Variants in PNPLA7 observed in about 807,000 individuals in gnomAD.
PNPLA7 encodes patatin like domain 7, lysophospholipase.
In PNPLA7, 153 loss-of-function variants were observed where a neutral mutation model predicts 161.7. That is an observed-to-expected ratio of 0.95 (90% CI 0.83 to 1.08). The LOEUF (loss-of-function observed/expected upper bound fraction) is 1.08. Ranked by LOEUF, PNPLA7 falls within the 50% of genes least tolerant of loss-of-function variation. PNPLA7 has a pLI of 0.00. For missense variants in PNPLA7, 1,739 were observed against 1,856.6 expected (o/e 0.94, Z 1.16); for synonymous variants, 809 against 782.1 (o/e 1.03, Z -0.57).
chr9:137,461,886 G>A, intron 32 of PNPLA7, 45 bp downstream of exon 32: 1 of 1,454,150 alleles, frequency 6.9e-7, no homozygotes, highest in Non-Finnish European at 9.2e-7. Context: ...CGAAGAACTG[G>A]GCGCGGTCCG....
At chr9:137,527,066 AG>A (rs1835337028) in intron 8 of PNPLA7, among the ~76,000 whole-genome samples, 2 of 152,098 alleles carry the variant, frequency 1.3e-5, no homozygotes, top group South Asian at 4.1e-4. Flanking sequence ...CAGGAATTCA[AG>A]ACCAGCCTGG....
rs1466255672 is a variant in PNPLA7, at chr9:137,540,816, C to T, written c.667-94G>A. The T allele has an allele frequency of 9.9e-6, 11 of 1,109,860 alleles. No individual in the cohort carries two copies. The highest frequency in any genetic ancestry group is 1.9e-4 in the Middle Eastern group (1 of 5,158). 68.8% of individuals were successfully genotyped at this position (1,109,860 alleles called of 1,614,324 possible). On this transcript the variant is annotated intron_variant, in intron 7 of 34. Transcript: ENST00000406427. The surrounding 1 kb of genome is among the most constrained non-coding windows in gnomAD (Gnocchi z 5.1). The stretch of plus-strand genomic sequence containing the variant: ...AGCCCAGCCCAGGGCAGTGGGGCCA[C>T]GGGCCTGCACCTCTGAGGCGCCATG...
At position 137,467,398 on chromosome 9, in the gene PNPLA7, G is replaced by A; in HGVS notation, c.2958C>T (p.Ser986=). 1 of 1,613,316 alleles carries A rather than the reference G, an allele frequency of 6.2e-7. No individual in the cohort carries two copies. Among genetic ancestry groups the A allele is most frequent in the East Asian group, 2.2e-5 (1 of 44,846 alleles). ...GIPVDMVGGT[S]IGAFVGALYS... is the part of the protein sequence containing the mutation. ...ACAGGGCACCCACGAAGGCCCCGAT[G>A]GACGTGCCTCCCACCATGTCCACAG... Residue 986 remains serine (S), a synonymous_variant, in exon 26 of 35, where the codon TCC becomes TCT. Transcript: ENST00000406427. This position sits in a 1 kb window ranked among gnomAD's most constrained non-coding sequence, Gnocchi z 5.1.
chr9:137,495,525 G>C (rs1247099401), intron 18 of PNPLA7, among the ~76,000 whole-genome samples: 1 of 151,902 alleles, frequency 6.6e-6, no homozygotes, highest in African/African-American at 2.4e-5. Flanking sequence ...CTCACTGCAA[G>C]CTCCACCTCC....
chr9:137,495,351 C>G (rs1005548955), intron 18 of PNPLA7, among the ~76,000 whole-genome samples: 8 of 152,232 alleles, frequency 5.3e-5, no homozygotes, highest in Admixed American at 3.3e-4. Context: ...CCTAGCAACC[C>G]AGGCAAATTG....
rs1242476829 is a variant in PNPLA7 at position 137,523,661 on chromosome 9, C to T, written c.748-804G>A. ...TTTTTTTTTGAGACAGAGTCTCGTTCTGTCGTCCAGGCTGGAGTGCAATGG... is the reference window on the plus strand; with the variant it reads ...TTTTTTTTTGAGACAGAGTCTCGTTTTGTCGTCCAGGCTGGAGTGCAATGG... On this transcript the variant is annotated intron_variant, in intron 8 of 34. Coordinates refer to ENST00000406427, the MANE Select transcript of PNPLA7 (RefSeq NM_001098537.3). The surrounding 1 kb of genome is among the most constrained non-coding windows in gnomAD (Gnocchi z 4.4). Among the ~76,000 whole-genome samples, 1 of 146,634 alleles carries T rather than the reference C, an allele frequency of 6.8e-6. No individual in the cohort carries two copies. Among genetic ancestry groups the T allele is most frequent in the East Asian group, 2.1e-4 (1 of 4,846 alleles).
In PNPLA7 at chr9:137,460,445, G is replaced by C. The variant is rs746589637; in HGVS notation, c.3977C>G (p.Pro1326Arg). The stretch of plus-strand genomic sequence containing the variant: ...AGACAGTTTTGGGAAAGCCAGACTG[G>C]GGTGTCGATGCCGCAGTGAGGACTC... The part of the protein sequence containing the change: ...EDESSLRHRH[P>R]SLAFPKLSEG... Residue 1326 changes from proline (P) to arginine (R), a missense_variant, in exon 35 of 35, where the codon CCC (proline) becomes CGC (arginine). This residue lies in a region of PNPLA7 where 703 missense variants were observed against 694.6 expected (regional missense o/e 1.01). Transcript: ENST00000406427. 2.0e-5 allele frequency: 33 copies of C among 1,612,694 alleles called. No homozygotes were observed. The highest frequency in any genetic ancestry group is 2.6e-5 in the Non-Finnish European group (31 of 1,179,926).
intron 21 of PNPLA7, among the ~76,000 whole-genome samples, chr9:137,481,516 C>T (rs78418878): frequency 0.031 from 4,763 of 152,210 alleles, 229 homozygotes; most frequent in African/African-American, 0.1. Flanking sequence ...CAACCAGGGG[C>T]GCCAGTGTCA....
At position 137,520,022 on chromosome 9, in the gene PNPLA7, C is replaced by G; in HGVS notation, c.979G>C (p.Val327Leu). The G allele has an allele frequency of 6.2e-7, 1 of 1,612,618 alleles. No homozygotes were observed. The highest frequency in any genetic ancestry group is 8.5e-7 in the Non-Finnish European group (1 of 1,179,918). The change falls in exon 11 of 35, where the codon GTG (valine) becomes CTG (leucine). Residue 327 changes from valine to leucine, a missense_variant. By Grantham distance (32) the Val-to-Leu change is conservative. Around this residue, in one of 6 missense-constraint regions of PNPLA7, gnomAD observed 152 missense variants for 193.5 expected, o/e 0.79. Transcript: ENST00000406427. The surrounding 1 kb of genome is among the most constrained non-coding windows in gnomAD (Gnocchi z 5.2). Reference sequence around the variant, plus strand: ...CCGGCAGCCACACTGGCTACAGACACGAGAGGGATGGCCTGGCTCTCCTGG... The same window carrying G: ...CCGGCAGCCACACTGGCTACAGACAGGAGAGGGATGGCCTGGCTCTCCTGG... Reference protein sequence around the residue: ...FNAESQAIPLVSVASVAAGKA... With the variant: ...FNAESQAIPLLSVASVAAGKA...
At chr9:137,469,583 G>A (rs569695480) in intron 25 of PNPLA7, among the ~76,000 whole-genome samples, 2 of 152,194 alleles carry the variant, frequency 1.3e-5, no homozygotes, top group Non-Finnish European at 2.9e-5. Flanking sequence ...GAGTGGTTGT[G>A]AGAGAGTATA....
Position 137,500,789 on chromosome 9 carries a change from C to G in PNPLA7, c.1659G>C (p.Val553=). Residue 553 remains valine, a synonymous_variant, in exon 16 of 35, where the codon GTG becomes GTC. Coordinates refer to ENST00000406427, the MANE Select transcript of PNPLA7 (RefSeq NM_001098537.3). The surrounding 1 kb of genome is among the most constrained non-coding windows in gnomAD (Gnocchi z 5.5). ...CCCCGGTGAGCACGGCCAGCTGGCC[C>G]ACCATCTCCCCGGGGCGCGTGAGGA... The part of the protein sequence containing the change: ...CLFLTRPGEM[V]GQLAVLTGEP... 6.2e-7 allele frequency: 1 copy of G among 1,611,612 alleles called. No individual in the cohort carries two copies. The highest frequency in any genetic ancestry group is 8.5e-7 in the Non-Finnish European group (1 of 1,179,622).
intron 21 of PNPLA7, among the ~76,000 whole-genome samples, chr9:137,484,138 G>A (rs565481721): frequency 8.7e-4 from 132 of 151,934 alleles, no homozygotes; most frequent in Non-Finnish European, 1.5e-3. Flanking sequence ...GTTTTACCAT[G>A]TTGGCCAGGC....
chr9:137,481,431 G>A (rs1044562360), intron 21 of PNPLA7, among the ~76,000 whole-genome samples: 1 of 152,220 alleles, frequency 6.6e-6, no homozygotes, highest in Non-Finnish European at 1.5e-5. Flanking sequence ...CAGACGCCAA[G>A]AGGCCAGGGT....
chr9:137,516,438 A>G (rs1457041024), intron 11 of PNPLA7: 1 of 985,092 alleles, frequency 1.0e-6, no homozygotes, highest in Non-Finnish European at 1.2e-6. Flanking sequence ...CTCATCCAGG[A>G]CAGCTGCTGC....
chr9:137,535,518 G>T (rs1161418101), intron 8 of PNPLA7, among the ~76,000 whole-genome samples: 1 of 152,154 alleles, frequency 6.6e-6, no homozygotes, highest in African/African-American at 2.4e-5. Flanking sequence ...ACTTTGGGAG[G>T]CCGAGGCAGG....
In PNPLA7 at chr9:137,461,343, A is replaced by G. The variant is rs1831183713; in HGVS notation, c.3841+193T>C. ...AGGGGCTGGGTGACCCGGGGTGGTC[A>G]CAGTCCCACTGCTGTGGGAACACGT... On this transcript the variant is annotated intron_variant, in intron 33 of 34. Coordinates refer to ENST00000406427, the MANE Select transcript of PNPLA7 (RefSeq NM_001098537.3). The G allele has an allele frequency of 1.9e-5, 11 of 569,150 alleles. No homozygotes were observed. The South Asian group carries it at 2.5e-4, about 13-fold the overall frequency. The allele number at this position is 569,150 out of a possible 1,614,324, so 35.3% of individuals were successfully genotyped here.
At chr9:137,525,559 ATGTCATTAT>A (rs1178051496) in intron 8 of PNPLA7, among the ~76,000 whole-genome samples, 26 of 152,026 alleles carry the variant, frequency 1.7e-4, no homozygotes, top group Non-Finnish European at 2.8e-4. Context: ...GGGACAGCTT[ATGTCATTAT>A]TTCTTCTATG....
chr9:137,536,585 A>T (rs1835903144), intron 8 of PNPLA7, among the ~76,000 whole-genome samples: 1 of 152,234 alleles, frequency 6.6e-6, no homozygotes, highest in African/African-American at 2.4e-5. Context: ...AGTAGCCAAA[A>T]ATAACACAAC....
intron 19 of PNPLA7, among the ~76,000 whole-genome samples, chr9:137,494,789 G>A (rs1165339101): frequency 1.6e-4 from 23 of 143,368 alleles, no homozygotes; most frequent in Non-Finnish European, 2.3e-4. Context: ...CATCCACTCC[G>A]CACCCTCACC....
Sources: gnomAD v4.1 joint callset for allele counts (sites outside exome capture counted in the v4.1 genomes callset) on GRCh38, gnomAD v4.1.1 for gene constraint, gnomAD v4.1.1 regional missense constraint, Gnocchi (gnomAD v3.1) non-coding constraint, MANE v1.5 for transcripts, NCBI Gene and HGNC (gene_info 2026-07-23, HGNC 2026-07-21) for gene names.